B3GLCT: variants seen among roughly 807,000 people sequenced by gnomAD.
B3GLCT encodes the protein beta-1,3-glucosyltransferase.
Under a neutral mutation model 63.4 loss-of-function variants are expected in B3GLCT, and 65 were observed. That is an observed-to-expected ratio of 1.03 (90% CI 0.84 to 1.26). The LOEUF (loss-of-function observed/expected upper bound fraction) is 1.26. Among genes scored for constraint, B3GLCT ranks in the 50% most tolerant of loss-of-function variants. The pLI, the probability that B3GLCT is intolerant of heterozygous loss-of-function variation, is 0.00. For synonymous variants in B3GLCT, 233 were observed against 219.2 expected (o/e 1.06, Z -0.55); for missense variants, 577 against 604.8 (o/e 0.95, Z 0.48).
At chr13:31,314,574 T>C (rs1051919370) in intron 12 of B3GLCT, among the ~76,000 whole-genome samples, 2 of 152,228 alleles carry the variant, frequency 1.3e-5, no homozygotes, top group African/African-American at 2.4e-5. Context: ...ACCCAATGCC[T>C]ATACCCCCAT....
intron 12 of B3GLCT, among the ~76,000 whole-genome samples, chr13:31,314,847 A>G (rs1217917878): frequency 4.6e-5 from 7 of 152,184 alleles, no homozygotes; most frequent in Admixed American, 2.6e-4. Flanking sequence ...GAATTCCCAC[A>G]TATTGTGGGA....
At position 31,276,628 on chromosome 13, in the gene B3GLCT, G is replaced by A. The variant is rs751760622; in HGVS notation, c.781-74G>A. 42 of 909,094 alleles carry A rather than the reference G, an allele frequency of 4.6e-5. 1 individual carries two copies. Among genetic ancestry groups the A allele is most frequent in the South Asian group, 7.9e-5 (6 of 76,044 alleles). 56.3% of individuals were successfully genotyped at this position (909,094 alleles called of 1,614,324 possible). On this transcript the variant is annotated intron_variant, in intron 9 of 14. Transcript: ENST00000343307. ...CATTGGTTAATTTGAACTCTAGAGC[G>A]TGTGAGATCTAGTGTGGGTGTGAAG...
intron 7 of B3GLCT, 78 bp downstream of exon 7, chr13:31,261,160 T>G (rs1872013994): frequency 1.3e-6 from 2 of 1,498,782 alleles, no homozygotes; most frequent in Non-Finnish European, 1.8e-6. Context: ...CTGTAACTGA[T>G]GGATCTCAGG....
intron 4 of B3GLCT, among the ~76,000 whole-genome samples, chr13:31,244,905 G>T (rs772816405): frequency 6.6e-6 from 1 of 152,074 alleles, no homozygotes; most frequent in Non-Finnish European, 1.5e-5. Context: ...CACCTACTTT[G>T]TATTTTTGAG....
At chr13:31,218,988 A>G (rs1869694061) in intron 2 of B3GLCT, among the ~76,000 whole-genome samples, 2 of 151,352 alleles carry the variant, frequency 1.3e-5, no homozygotes, top group South Asian at 4.2e-4. Flanking sequence ...AGCCCTGGAC[A>G]GATAGATTCA....
intron 5 of B3GLCT, among the ~76,000 whole-genome samples, chr13:31,247,349 C>T (rs1228710787): frequency 6.6e-6 from 1 of 152,068 alleles, no homozygotes; most frequent in Non-Finnish European, 1.5e-5. Context: ...GGTGACTTGG[C>T]TCCTGCAAGC....
intron 9 of B3GLCT, among the ~76,000 whole-genome samples, chr13:31,275,426 T>C (rs1263169334): frequency 6.6e-6 from 1 of 152,220 alleles, no homozygotes. Context: ...GACTCATTTC[T>C]TTTGTTGATG....
intron 14 of B3GLCT, among the ~76,000 whole-genome samples, chr13:31,324,305 GCTAT>G (rs1050163477): frequency 4.6e-5 from 7 of 152,120 alleles, no homozygotes; most frequent in African/African-American, 9.7e-5. Context: ...CAGTTTTTAC[GCTAT>G]CTGTCTTTTC....
chr13:31,244,974 T>C (rs574305195), intron 4 of B3GLCT, among the ~76,000 whole-genome samples: 1 of 152,092 alleles, frequency 6.6e-6, no homozygotes, highest in East Asian at 1.9e-4. Context: ...TGTTGTTATA[T>C]GGAGATACAG....
At chr13:31,301,684 C>T (rs1430486527) in intron 12 of B3GLCT, among the ~76,000 whole-genome samples, 1 of 152,216 alleles carries the variant, frequency 6.6e-6, no homozygotes, top group Non-Finnish European at 1.5e-5. Flanking sequence ...TAATTGTTAC[C>T]TTGATTAACC....
intron 13 of B3GLCT, 104 bp from the exon 14 acceptor site, chr13:31,323,647 C>A: frequency 7.6e-7 from 1 of 1,316,360 alleles, no homozygotes; most frequent in Non-Finnish European, 1.1e-6. Flanking sequence ...CTACTATTGC[C>A]TCTCAGTCTG....
chr13:31,254,138 A>G (rs1871593338), intron 6 of B3GLCT, among the ~76,000 whole-genome samples: 1 of 152,204 alleles, frequency 6.6e-6, no homozygotes, highest in South Asian at 2.1e-4. Flanking sequence ...AACTACTCCA[A>G]ACAATAGAAA....
At position 31,330,788 on chromosome 13, in the gene B3GLCT, A is replaced by G. The variant is rs1343666494; in HGVS notation, c.*1120A>G. ...ATTCAGTTTTTGTAAAGGTATTTGC[A>G]TAAAATTTAATATGTCTTAAACTAA... On this transcript the variant is annotated 3_prime_UTR_variant, in exon 15 of 15. Transcript: ENST00000343307. 1 of 152,188 alleles carries G rather than the reference A, an allele frequency of 6.6e-6. No homozygotes were observed. The highest frequency in any genetic ancestry group is 2.4e-5 in the African/African-American group (1 of 41,450). 9.4% of individuals were successfully genotyped at this position (152,188 alleles called of 1,614,324 possible).
At chr13:31,237,057 C>A (rs535533612) in intron 4 of B3GLCT, among the ~76,000 whole-genome samples, 1 of 150,660 alleles carries the variant, frequency 6.6e-6, no homozygotes, top group Non-Finnish European at 1.5e-5. Context: ...ACCTAGTAGG[C>A]GGAGGTCGCA....
Position 31,323,929 on chromosome 13 carries a change from A to G in B3GLCT, c.1329+34A>G, listed in dbSNP as rs551821456. 1.6e-4 allele frequency: 250 copies of G among 1,609,648 alleles called. 2 individuals are homozygous for G. The South Asian group carries it at 2.4e-3, about 16-fold the overall frequency. Reference sequence around the variant, plus strand: ...ATGGTTTTTATTCTTCCCTCATGGCAGGTGAGGGACAGATTCTTCTCACTT... The same window carrying G: ...ATGGTTTTTATTCTTCCCTCATGGCGGGTGAGGGACAGATTCTTCTCACTT... On this transcript the variant is annotated intron_variant, in intron 14 of 14. Transcript: ENST00000343307.
chr13:31,326,364 A>T (rs1446171386), intron 14 of B3GLCT, among the ~76,000 whole-genome samples: 1 of 142,334 alleles, frequency 7.0e-6, no homozygotes, highest in Non-Finnish European at 1.5e-5. Flanking sequence ...GCTCACTGCA[A>T]CCTCTGCTTC....
chr13:31,218,810 C>A (rs1225830368), intron 2 of B3GLCT, among the ~76,000 whole-genome samples: 2 of 152,046 alleles, frequency 1.3e-5, no homozygotes, highest in South Asian at 4.1e-4. Context: ...TTACCCATTC[C>A]GTATGATGTT....
At chr13:31,246,951 CTTT>C (rs66466340) in intron 4 of B3GLCT, 69 bp from the exon 5 acceptor site, 131 of 779,012 alleles carry the variant, frequency 1.7e-4, no homozygotes, top group Non-Finnish European at 2.2e-4. Context: ...CTTTTCTTTT[CTTT>C]TTTTTTTTTT....
chr13:31,313,771 A>G (rs960586296), intron 12 of B3GLCT, among the ~76,000 whole-genome samples: 2 of 152,316 alleles, frequency 1.3e-5, no homozygotes, highest in African/African-American at 4.8e-5. Context: ...GATGGGGGAA[A>G]TGTCTCCAGG....
Sources: gnomAD v4.1 joint callset for allele counts (sites outside exome capture counted in the v4.1 genomes callset) on GRCh38, gnomAD v4.1.1 for gene constraint, MANE v1.5 for transcripts, NCBI Gene and HGNC (gene_info 2026-07-23, HGNC 2026-07-21) for gene names.